Variants in PTK2B observed in about 807,000 individuals in gnomAD.
PTK2B encodes protein-tyrosine kinase 2-beta.
Under a neutral mutation model 142.9 loss-of-function variants are expected in PTK2B, and 71 were observed. The ratio of observed to expected loss-of-function variants is 0.50; its 90% CI spans 0.41 to 0.61. PTK2B has a LOEUF of 0.61. PTK2B is among the 20% of genes least tolerant of loss of function. The probability of loss-of-function intolerance (pLI) is 0.00; values close to 1 mark genes in which losing one functional copy is unlikely to be tolerated. For missense variants in PTK2B, 1,105 were observed against 1,320.4 expected (o/e 0.84, Z 2.53); for synonymous variants, 519 against 503.4 (o/e 1.03, Z -0.42).
chr8:27,338,460 G>A (rs1056544963), intron 1 of PTK2B, among the ~76,000 whole-genome samples: 4 of 152,088 alleles, frequency 2.6e-5, no homozygotes, highest in African/African-American at 9.7e-5. Flanking sequence ...CCAGTGGTGT[G>A]AGTCCATCAA....
intron 1 of PTK2B, among the ~76,000 whole-genome samples, chr8:27,336,753 C>T (rs1804088391): frequency 6.6e-6 from 1 of 152,220 alleles, no homozygotes; most frequent in African/African-American, 2.4e-5. Context: ...TGCATCAGCT[C>T]TTCATGTTCT....
intron 22 of PTK2B, among the ~76,000 whole-genome samples, chr8:27,443,357 G>C (rs925609329): frequency 2.0e-5 from 3 of 152,192 alleles, no homozygotes; most frequent in Non-Finnish European, 2.9e-5. Context: ...CTGAGCTCAG[G>C]AGCCAGGGCC....
chr8:27,369,376 T>G (rs1015413283), intron 1 of PTK2B, among the ~76,000 whole-genome samples: 1 of 152,126 alleles, frequency 6.6e-6, no homozygotes, highest in Admixed American at 6.5e-5. Flanking sequence ...AGTTCATGTA[T>G]TAAGAACTTA....
At chr8:27,389,490 A>G (rs572999992) in intron 1 of PTK2B, among the ~76,000 whole-genome samples, 2 of 152,266 alleles carry the variant, frequency 1.3e-5, no homozygotes, top group Admixed American at 6.5e-5. Flanking sequence ...AGGGGAGGAG[A>G]GGTTCCTTTA....
chr8:27,420,658 T>C lies in PTK2B; in HGVS notation c.385T>C (p.Tyr129His). ...ECLHVEAEWR[Y>H]DLQIRYLPED... The stretch of plus-strand genomic sequence containing the variant: ...CAGAGCCTGAATGTCTTGTTGCAGG[T>C]ATGACCTTCAAATCCGCTACTTGCC... Residue 129 changes from tyrosine (Y) to histidine (H), a missense_variant and splice_region_variant, in exon 4 of 31, where the codon TAT (tyrosine) becomes CAT (histidine). Transcript: ENST00000346049. 1 of 1,613,666 alleles carries C rather than the reference T, an allele frequency of 6.2e-7. No homozygotes were observed. The highest frequency in any genetic ancestry group is 8.5e-7 in the Non-Finnish European group (1 of 1,179,594).
chr8:27,402,282 C>G lies in PTK2B; in HGVS notation c.204+4494C>G, dbSNP rs541912067. ...GAATGGCAGCCCTGGTCTGGGTGGT[C>G]AGGGTCCCATTGCCTAAGATGAGAA... On this transcript the variant is annotated intron_variant, in intron 2 of 30. Transcript: ENST00000346049. Among the ~76,000 whole-genome samples, 10 of 152,188 alleles carry G rather than the reference C, an allele frequency of 6.6e-5. No homozygotes were observed. In the East Asian group the frequency reaches 1.9e-3, roughly 29 times the overall value.
In PTK2B at chr8:27,395,596, A is replaced by G. The variant is rs147967576; in HGVS notation, c.-37-1952A>G. Reference sequence around the variant, plus strand: ...TGCCAGCTCTGCACCTCTGTGCCTGAGGACTTTCTCAGCTCTCCCTTGTGC... The same window carrying G: ...TGCCAGCTCTGCACCTCTGTGCCTGGGGACTTTCTCAGCTCTCCCTTGTGC... On this transcript the variant is annotated intron_variant, in intron 1 of 30. Coordinates refer to ENST00000346049, the MANE Select transcript of PTK2B (RefSeq NM_173176.3). 1.7e-3 allele frequency among the ~76,000 whole-genome samples: 265 copies of G among 152,288 alleles called. 4 individuals are homozygous for G. The highest frequency in any genetic ancestry group is 0.013 in the East Asian group (66 of 5,178).
At chr8:27,319,816 A>T (rs137872614) in intron 3 of PTK2B, among the ~76,000 whole-genome samples, 2,112 of 152,294 alleles carry the variant, frequency 0.014, 50 homozygotes, top group African/African-American at 0.048. Flanking sequence ...CTTAACTTAT[A>T]TCTAAAAGAA....
chr8:27,411,350 T>G (rs1376869946), intron 2 of PTK2B, among the ~76,000 whole-genome samples: 2 of 152,114 alleles, frequency 1.3e-5, no homozygotes, highest in African/African-American at 4.8e-5. Flanking sequence ...ATCTCAGCAC[T>G]TACCTTTCTG....
intron 1 of PTK2B, chr8:27,380,682 T>C (rs569886131): frequency 6.6e-6 from 1 of 152,298 alleles, no homozygotes; most frequent in South Asian, 2.1e-4. Context: ...GACTTGTCAC[T>C]CCCTGAGATC....
chr8:27,341,900 C>T (rs529239364), intron 1 of PTK2B, among the ~76,000 whole-genome samples: 1 of 152,120 alleles, frequency 6.6e-6, no homozygotes, highest in South Asian at 2.1e-4. Context: ...GGTCTTGAAC[C>T]CCTGGGGTCA....
chr8:27,425,715 T>C (rs1475568871), intron 5 of PTK2B, among the ~76,000 whole-genome samples: 4 of 152,236 alleles, frequency 2.6e-5, no homozygotes, highest in Non-Finnish European at 5.9e-5. Flanking sequence ...GACCTATATC[T>C]ACCATTATAG....
At chr8:27,319,318 C>CCCTT (rs1803157366) in intron 3 of PTK2B, among the ~76,000 whole-genome samples, 1 of 141,716 alleles carries the variant, frequency 7.1e-6, no homozygotes. Context: ...TTAAAGCAAC[C>CCCTT]TTTTTTTTTT....
At chr8:27,331,616 A>C (rs2130843331) in intron 1 of PTK2B, among the ~76,000 whole-genome samples, 1 of 152,196 alleles carries the variant, frequency 6.6e-6, no homozygotes, top group East Asian at 1.9e-4. Flanking sequence ...CTTCCCGAGT[A>C]GCTGAGATTA....
intron 1 of PTK2B, among the ~76,000 whole-genome samples, chr8:27,326,596 C>T (rs1416795837): frequency 6.6e-6 from 1 of 152,182 alleles, no homozygotes; most frequent in Non-Finnish European, 1.5e-5. Context: ...TGGGTCTGAG[C>T]CCACTGGGGC....
intron 28 of PTK2B, among the ~76,000 whole-genome samples, chr8:27,453,874 T>G (rs1811975614): frequency 6.6e-6 from 1 of 152,110 alleles, no homozygotes; most frequent in African/African-American, 2.4e-5. Context: ...ATCCTGTCTC[T>G]TCAAAGAAAA....
intron 4 of PTK2B, among the ~76,000 whole-genome samples, chr8:27,421,385 T>A (rs1384322911): frequency 2.0e-5 from 3 of 151,974 alleles, no homozygotes; most frequent in Non-Finnish European, 4.4e-5. Context: ...TCTTTAATGG[T>A]GATTTCTGAG....
chr8:27,453,262 TTCAGTG>T, intron 28 of PTK2B, 102 bp downstream of exon 28: 2 of 1,495,618 alleles, frequency 1.3e-6, no homozygotes, highest in South Asian at 2.3e-5. Context: ...TAGAATCCAG[TTCAGTG>T]TCCTCATGAT....
chr8:27,442,571 T>C (rs2241659), intron 21 of PTK2B, among the ~76,000 whole-genome samples: 61,700 of 152,102 alleles, frequency 0.41, 12,907 homozygotes, highest in South Asian at 0.54. Flanking sequence ...GCAAAAGGCC[T>C]GAGGAGTGGG....
Sources: gnomAD v4.1 joint callset for allele counts (sites outside exome capture counted in the v4.1 genomes callset) on GRCh38, gnomAD v4.1.1 for gene constraint, MANE v1.5 for transcripts, NCBI Gene and HGNC (gene_info 2026-07-23, HGNC 2026-07-21) for gene names.